STX5: variants seen among roughly 807,000 people sequenced by gnomAD.
STX5 encodes the protein syntaxin-5.
Under a neutral mutation model 42.9 loss-of-function variants are expected in STX5, and 15 were observed. The ratio of observed to expected loss-of-function variants is 0.35; its 90% CI spans 0.23 to 0.54. The LOEUF is 0.54. Ranked by LOEUF, STX5 falls within the 20% of genes least tolerant of loss-of-function variation. The probability of loss-of-function intolerance (pLI) is 0.91; values close to 1 mark genes in which losing one functional copy is unlikely to be tolerated. For missense variants in STX5, 430 were observed against 455.0 expected (o/e 0.95, Z 0.50); for synonymous variants, 184 against 173.2 (o/e 1.06, Z -0.49).
chr11:62,820,136 C>A (rs1253810941), intron 10 of STX5, among the ~76,000 whole-genome samples: 1 of 151,276 alleles, frequency 6.6e-6, no homozygotes. Context: ...TTTGGGAGGC[C>A]GAGGCGGGCG....
intron 10 of STX5, among the ~76,000 whole-genome samples, chr11:62,819,220 GAAAAAAAAAAAAAAAAAAAAA>G (rs57390432): frequency 3.4e-4 from 10 of 29,642 alleles, no homozygotes; most frequent in Admixed American, 2.7e-3. Flanking sequence ...GACTCTGTCT[GAAAAAAAAAAAAAAAAAAAAA>G]AAAAAAAAAA....
intron 2 of STX5, among the ~76,000 whole-genome samples, chr11:62,829,334 G>A (rs1372099628): frequency 6.6e-6 from 1 of 151,936 alleles, no homozygotes; most frequent in African/African-American, 2.4e-5. Flanking sequence ...TGAGGCAGGA[G>A]AATCACTGGA....
In STX5 at chr11:62,824,175, G is replaced by A. The variant is rs2084768566; in HGVS notation, c.899C>T (p.Thr300Ile). 1 of 1,614,032 alleles carries A rather than the reference G, an allele frequency of 6.2e-7. No homozygotes were observed. Among genetic ancestry groups the A allele is most frequent in the Admixed American group, 1.7e-5 (1 of 59,982 alleles). Reference protein sequence around the residue: ...LAHMVKEQEETIQRIDENVLG... With the variant: ...LAHMVKEQEEIIQRIDENVLG... ...AGAGAGTGTATCTCACCTCTGAATG[G>A]TTTCCTCCTGTTCCTTAACCATGTG... is the stretch of plus-strand genomic sequence containing the variant. The change falls in exon 10 of 11, where the codon ACC becomes ATC. Residue 300 changes from threonine to isoleucine, a missense_variant. Thr to Ile is a moderately conservative substitution (Grantham distance 89). Coordinates refer to ENST00000294179, the MANE Select transcript of STX5 (RefSeq NM_003164.5).
chr11:62,810,546 G>C (rs1429542799), intron 10 of STX5, among the ~76,000 whole-genome samples: 1 of 152,194 alleles, frequency 6.6e-6, no homozygotes, highest in East Asian at 1.9e-4. Flanking sequence ...TCTGTAGTTT[G>C]AATATTTTAT....
intron 10 of STX5, chr11:62,807,882 G>T: frequency 3.5e-6 from 2 of 567,882 alleles, no homozygotes; most frequent in Admixed American, 6.5e-5. Context: ...GCAAAATGAG[G>T]ATAACCCAAA....
rs747045928 is a variant in STX5, at chr11:62,831,194, T to G, written c.50A>C (p.Tyr17Ser). 3 of 1,566,402 alleles carry G rather than the reference T, an allele frequency of 1.9e-6. No individual in the cohort carries two copies. Among genetic ancestry groups the G allele is most frequent in the Non-Finnish European group, 1.7e-6 (2 of 1,154,700 alleles). ...YGSKNTDQGVYLGLSKTQVLS... is the reference protein window; with the variant it reads ...YGSKNTDQGVSLGLSKTQVLS... ...GACCTGTGTCTTTGAGAGACCCAGG[T>G]AGACACCCTGATCCGTGTTCTTAGA... Residue 17 changes from tyrosine to serine, a missense_variant, in exon 2 of 11, where the codon TAC (tyrosine) becomes TCC (serine). By Grantham distance (144) the Tyr-to-Ser change is moderately radical. Coordinates refer to ENST00000294179, the MANE Select transcript of STX5 (RefSeq NM_003164.5).
chr11:62,814,639 T>C lies in STX5; in HGVS notation c.909-7011A>G, dbSNP rs574099549. ...ACCACGCTCAGCTAATTTTTTTTTT[T>C]TTTTTGAGATGGAGTTTCGCTCGTT... On this transcript the variant is annotated intron_variant, in intron 10 of 10. Transcript: ENST00000294179. 2.6e-5 allele frequency among the ~76,000 whole-genome samples: 4 copies of C among 152,016 alleles called. No homozygotes were observed. In the South Asian group the frequency reaches 8.3e-4, roughly 32 times the overall value.
intron 2 of STX5, 84 bp from the exon 3 acceptor site, chr11:62,827,715 C>G: frequency 7.2e-7 from 1 of 1,392,162 alleles, no homozygotes; most frequent in Non-Finnish European, 1.0e-6. Flanking sequence ...GTCCACTAAC[C>G]TATCTCTAGT....
chr11:62,826,108 G>T (rs1220041733), intron 5 of STX5, among the ~76,000 whole-genome samples: 2 of 152,148 alleles, frequency 1.3e-5, no homozygotes, highest in Non-Finnish European at 2.9e-5. Context: ...CCAAAAATTA[G>T]CTGGGTGTGG....
chr11:62,824,947 C>T (rs2084778038), intron 8 of STX5, 89 bp downstream of exon 8: 1 of 1,361,552 alleles, frequency 7.3e-7, no homozygotes, highest in African/African-American at 1.4e-5. Flanking sequence ...CTTCCACTCT[C>T]CTACCCAACC....
intron 10 of STX5, among the ~76,000 whole-genome samples, chr11:62,808,319 G>A (rs1279691758): frequency 1.3e-5 from 2 of 151,956 alleles, no homozygotes; most frequent in Non-Finnish European, 2.9e-5. Context: ...CCAGCTACTC[G>A]GGAGGCTGAG....
chr11:62,824,016 G>T, intron 10 of STX5, 150 bp downstream of exon 10: 3 of 1,270,606 alleles, frequency 2.4e-6, no homozygotes, highest in Non-Finnish European at 3.3e-6. Flanking sequence ...AAAACTTGTT[G>T]GGTGGATGGA....
chr11:62,818,129 C>T (rs999516738), intron 10 of STX5, among the ~76,000 whole-genome samples: 1 of 151,078 alleles, frequency 6.6e-6, no homozygotes, highest in African/African-American at 2.4e-5. Flanking sequence ...CCTGTAATCC[C>T]AGCTACTCAG....
chr11:62,811,271 A>G (rs756215995), intron 10 of STX5, among the ~76,000 whole-genome samples: 2 of 152,118 alleles, frequency 1.3e-5, no homozygotes, highest in Non-Finnish European at 2.9e-5. Context: ...ACATCAGAAC[A>G]TGAAATGCCT....
chr11:62,829,488 G>A (rs897682331), intron 2 of STX5, among the ~76,000 whole-genome samples: 4 of 152,036 alleles, frequency 2.6e-5, no homozygotes, highest in Admixed American at 1.3e-4. Flanking sequence ...GAGGAGCTGA[G>A]TGCAGTGGCT....
At chr11:62,813,405 G>C (rs987727156) in intron 10 of STX5, among the ~76,000 whole-genome samples, 3 of 152,148 alleles carry the variant, frequency 2.0e-5, no homozygotes, top group African/African-American at 7.2e-5. Flanking sequence ...TTAATCAGTA[G>C]TTCCCAAACC....
At chr11:62,826,616 C>T (rs978857257) in intron 5 of STX5, among the ~76,000 whole-genome samples, 2 of 151,562 alleles carry the variant, frequency 1.3e-5, no homozygotes, top group East Asian at 3.9e-4. Context: ...CAGTCGAGTG[C>T]AGTGGCTCAC....
chr11:62,809,287 C>CAAAAA (rs1174325165), intron 10 of STX5, among the ~76,000 whole-genome samples: 2 of 62,164 alleles, frequency 3.2e-5, no homozygotes, highest in East Asian at 4.5e-4. Flanking sequence ...GACTCCGTCT[C>CAAAAA]AAAAAAAAAA....
At chr11:62,824,395 ACT>A (rs1484377389) in intron 9 of STX5, 62 bp downstream of exon 9, 36 of 1,612,218 alleles carry the variant, frequency 2.2e-5, no homozygotes, top group Non-Finnish European at 2.9e-5. Flanking sequence ...CACTCCAAAC[ACT>A]CTCTCGGGAA....
Sources: gnomAD v4.1 joint callset for allele counts (sites outside exome capture counted in the v4.1 genomes callset) on GRCh38, gnomAD v4.1.1 for gene constraint, MANE v1.5 for transcripts, NCBI Gene and HGNC (gene_info 2026-07-23, HGNC 2026-07-21) for gene names.